Variants in CNTNAP4 observed in about 807,000 individuals in gnomAD.
CNTNAP4 encodes contactin-associated protein-like 4.
Under a neutral mutation model 148.4 loss-of-function variants are expected in CNTNAP4, and 98 were observed. That is an observed-to-expected ratio of 0.66 (90% CI 0.56 to 0.78). CNTNAP4 has a LOEUF of 0.78. Among genes scored for constraint, CNTNAP4 ranks in the 30% least tolerant of loss-of-function variants. The pLI, the probability that CNTNAP4 is intolerant of heterozygous loss-of-function variation, is 0.00. For missense variants in CNTNAP4, 1,935 were observed against 1,565.6 expected (o/e 1.24, Z -3.98); for synonymous variants, 730 against 565.1 (o/e 1.29, Z -4.14).
rs1241992476 is a variant in CNTNAP4 at position 76,540,808 on chromosome 16, C to T, written c.3442+18C>T. 3 of 1,509,686 alleles carry T rather than the reference C, an allele frequency of 2.0e-6. No individual in the cohort carries two copies. The highest frequency in any genetic ancestry group is 1.2e-5 in the South Asian group (1 of 83,110). The allele number at this position is 1,509,686 out of a possible 1,614,324, so 93.5% of individuals were successfully genotyped here. On this transcript the variant is annotated intron_variant, in intron 21 of 23. Coordinates refer to ENST00000611870, the MANE Select transcript of CNTNAP4 (RefSeq NM_033401.5). ...GATTTTAGGTAAGTGAAAGAAACAACCTTTCCCCTAACCATGCTAATCATG... is the reference window on the plus strand; with the variant it reads ...GATTTTAGGTAAGTGAAAGAAACAATCTTTCCCCTAACCATGCTAATCATG...
At chr16:76,521,745 C>A (rs2083461025) in intron 16 of CNTNAP4, among the ~76,000 whole-genome samples, 1 of 152,060 alleles carries the variant, frequency 6.6e-6, no homozygotes. Flanking sequence ...GTTTCCTTGC[C>A]TTGGATAAAT....
intron 4 of CNTNAP4, among the ~76,000 whole-genome samples, chr16:76,445,198 C>T (rs1170087108): frequency 6.6e-6 from 1 of 152,124 alleles, no homozygotes; most frequent in Non-Finnish European, 1.5e-5. Flanking sequence ...TCTCCCTTTG[C>T]CTCCTGTTTC....
rs201194518 is a variant in CNTNAP4 at position 76,556,123 on chromosome 16, A to AT, written c.3733+2225dup. Reference sequence around the variant, plus strand: ...CCCCCTATGTTCTACATCTTAGATGATTTTTTTTTACTTGCAAAATGAATG... The same window carrying AT: ...CCCCCTATGTTCTACATCTTAGATGATTTTTTTTTTACTTGCAAAATGAATG... On this transcript the variant is annotated intron_variant, in intron 23 of 23. Coordinates refer to ENST00000611870, the MANE Select transcript of CNTNAP4 (RefSeq NM_033401.5). 1.7e-4 allele frequency among the ~76,000 whole-genome samples: 25 copies of AT among 151,436 alleles called. No individual in the cohort carries two copies. In the East Asian group the frequency reaches 2.3e-3, roughly 14 times the overall value.
chr16:76,551,684 A>G (rs1275699955), intron 21 of CNTNAP4, among the ~76,000 whole-genome samples: 1 of 152,168 alleles, frequency 6.6e-6, no homozygotes, highest in African/African-American at 2.4e-5. Flanking sequence ...CTTGGATAAT[A>G]TACTCCAGTG....
chr16:76,331,947 C>T (rs1963565592), intron 2 of CNTNAP4, among the ~76,000 whole-genome samples: 4 of 152,140 alleles, frequency 2.6e-5, no homozygotes, highest in Admixed American at 1.3e-4. Flanking sequence ...AATGTCACTT[C>T]TTCATTTAAA....
At chr16:76,358,684 C>T (rs1317848808) in intron 3 of CNTNAP4, among the ~76,000 whole-genome samples, 1 of 152,070 alleles carries the variant, frequency 6.6e-6, no homozygotes, top group Non-Finnish European at 1.5e-5. Flanking sequence ...TTTGGAAAGA[C>T]TGGAAGATAA....
At chr16:76,479,313 G>A (rs1158372706) in intron 11 of CNTNAP4, 106 bp from the exon 12 acceptor site, 1 of 1,011,674 alleles carries the variant, frequency 9.9e-7, no homozygotes, top group Admixed American at 2.8e-5. Flanking sequence ...CTCCTGGTCA[G>A]TAATGTACAT....
At chr16:76,512,193 T>A (rs2144011256) in intron 15 of CNTNAP4, among the ~76,000 whole-genome samples, 1 of 152,180 alleles carries the variant, frequency 6.6e-6, no homozygotes, top group Admixed American at 6.5e-5. Flanking sequence ...GGTGGTCAGA[T>A]CAGGAAAGAT....
At chr16:76,530,790 C>A (rs779749724) in intron 17 of CNTNAP4, among the ~76,000 whole-genome samples, 1 of 152,172 alleles carries the variant, frequency 6.6e-6, no homozygotes, top group Non-Finnish European at 1.5e-5. Context: ...AAGAACATTG[C>A]GTGACAAACT....
At position 76,560,720 on chromosome 16, in the gene CNTNAP4, T is replaced by G. The variant is rs574272192; in HGVS notation, c.*2037T>G. Among the ~76,000 whole-genome samples the G allele has an allele frequency of 3.3e-5, 5 of 152,212 alleles. No homozygotes were observed. The highest frequency in any genetic ancestry group is 1.9e-4 in the East Asian group (1 of 5,196). On this transcript the variant is annotated 3_prime_UTR_variant, in exon 24 of 24. Coordinates refer to ENST00000611870, the MANE Select transcript of CNTNAP4 (RefSeq NM_033401.5). Reference sequence around the variant, plus strand: ...CTTTAATTTCCTGATTTGTAATCTCTTATTTTATCATTAATAAAATGCATT... The same window carrying G: ...CTTTAATTTCCTGATTTGTAATCTCGTATTTTATCATTAATAAAATGCATT...
At chr16:76,507,034 A>G (rs11149910) in intron 15 of CNTNAP4, among the ~76,000 whole-genome samples, 37,403 of 96,102 alleles carry the variant, frequency 0.39, 16,631 homozygotes, top group East Asian at 0.83. Flanking sequence ...TGCTTTTCCC[A>G]TTCATTTTTC....
chr16:76,302,890 G>C (rs1960125302), intron 1 of CNTNAP4, among the ~76,000 whole-genome samples: 1 of 152,194 alleles, frequency 6.6e-6, no homozygotes, highest in Non-Finnish European at 1.5e-5. Context: ...GTTGTTTAGG[G>C]AGATCAGGAG....
rs201390951 is a variant in CNTNAP4 at position 76,498,667 on chromosome 16, C to T, written c.2338C>T (p.Leu780=). Residue 780 remains leucine (L), a synonymous_variant, in exon 15 of 24, where the codon CTG becomes TTG. Coordinates refer to ENST00000611870, the MANE Select transcript of CNTNAP4 (RefSeq NM_033401.5). The stretch of plus-strand genomic sequence containing the variant: ...ACTGCATTCAGAAGCAGCTTATAAA[C>T]TGGGGCCTCTGCTCTGCCAGGGAGA... ...GRLHSEAAYK[L]GPLLCQGDRS... The T allele has an allele frequency of 1.2e-6, 2 of 1,611,670 alleles. No individual in the cohort carries two copies. The highest frequency in any genetic ancestry group is 1.7e-5 in the Admixed American group (1 of 59,766).
chr16:76,278,306 G>A (rs1207409285), intron 1 of CNTNAP4, among the ~76,000 whole-genome samples: 8 of 152,162 alleles, frequency 5.3e-5, no homozygotes, highest in Non-Finnish European at 1.2e-4. Context: ...CTGTGCCCTC[G>A]CTGCTAAGAG....
chr16:76,497,472 G>A (rs1248999527), intron 14 of CNTNAP4, among the ~76,000 whole-genome samples: 1 of 152,152 alleles, frequency 6.6e-6, no homozygotes, highest in African/African-American at 2.4e-5. Flanking sequence ...AGAGGAGGCA[G>A]CAAAGGAAAA....
chr16:76,356,911 G>C (rs890596704), intron 3 of CNTNAP4, among the ~76,000 whole-genome samples: 1 of 152,130 alleles, frequency 6.6e-6, no homozygotes, highest in African/African-American at 2.4e-5. Context: ...AAATTGAATT[G>C]AGAGAAGTAG....
intron 3 of CNTNAP4, among the ~76,000 whole-genome samples, chr16:76,394,594 A>G (rs1045714290): frequency 7.9e-5 from 12 of 152,182 alleles, no homozygotes; most frequent in Admixed American, 3.3e-4. Flanking sequence ...CCAAAATTCT[A>G]TAACGTATTT....
intron 12 of CNTNAP4, among the ~76,000 whole-genome samples, chr16:76,482,914 A>T (rs2081888391): frequency 6.6e-6 from 1 of 152,222 alleles, no homozygotes; most frequent in Admixed American, 6.5e-5. Context: ...CTCAAACTTC[A>T]GTATGCACTG....
At chr16:76,356,658 G>A (rs536695731) in intron 3 of CNTNAP4, among the ~76,000 whole-genome samples, 2 of 152,306 alleles carry the variant, frequency 1.3e-5, no homozygotes, top group African/African-American at 4.8e-5. Flanking sequence ...CCCCTCTCTG[G>A]CTGAGTTGCT....
Sources: allele counts gnomAD v4.1 joint callset (sites outside exome capture counted in the v4.1 genomes callset), GRCh38; gene constraint gnomAD v4.1.1; transcripts MANE v1.5; gene names NCBI Gene and HGNC (gene_info 2026-07-23, HGNC 2026-07-21).